The following CYFIP2 variants were observed in gnomAD, a reference collection of about 807,000 sequenced individuals.
The protein encoded by CYFIP2 is cytoplasmic FMR1-interacting protein 2.
Under a neutral mutation model 158.7 loss-of-function variants are expected in CYFIP2, and 29 were observed. That is an observed-to-expected ratio of 0.18 (90% CI 0.14 to 0.25). CYFIP2 has a LOEUF of 0.25. Ranked by LOEUF, CYFIP2 falls within the 10% of genes least tolerant of loss-of-function variation. CYFIP2 has a pLI of 1.00. For synonymous variants in CYFIP2, 585 were observed against 617.6 expected, an observed-to-expected ratio of 0.95 and a Z score of 0.78; for missense variants, 852 against 1,639.5, an observed-to-expected ratio of 0.52 and a Z score of 8.29.
chr5:157,322,856 C>A, intron 15 of CYFIP2: 1 of 1,206,738 alleles, frequency 8.3e-7, no homozygotes, highest in Non-Finnish European at 1.2e-6. Context: ...TTGCTTTTCT[C>A]TCTCTCTCTC....
Position 157,392,932 on chromosome 5 carries a change from A to G in CYFIP2, c.3694A>G (p.Ser1232Gly). 1.2e-6 allele frequency: 2 copies of G among 1,614,004 alleles called. No homozygotes were observed. Among genetic ancestry groups the G allele is most frequent in the Non-Finnish European group, 1.7e-6 (2 of 1,179,890 alleles). The change falls in exon 31 of 31, where the codon AGT becomes GGT. Residue 1232 changes from serine to glycine, a missense_variant. By Grantham distance (56) the Ser-to-Gly change is moderately conservative (BLOSUM62 0). Transcript: ENST00000620254. Reference sequence around the variant, plus strand: ...ATACATGAAGTCCGTGGAGACAGACAGTTCCACTGTGGAGCATGTGCGCTG... The same window carrying G: ...ATACATGAAGTCCGTGGAGACAGACGGTTCCACTGTGGAGCATGTGCGCTG... ...NKYMKSVETD[S>G]STVEHVRCFQ...
chr5:157,383,964 C>CT (rs1233067558), intron 28 of CYFIP2, among the ~76,000 whole-genome samples: 1 of 152,060 alleles, frequency 6.6e-6, no homozygotes, highest in East Asian at 1.9e-4. Flanking sequence ...AGGATGATGG[C>CT]TTTTTTTAAA....
chr5:157,367,602 C>T (rs1307562119), intron 26 of CYFIP2, among the ~76,000 whole-genome samples: 1 of 152,200 alleles, frequency 6.6e-6, no homozygotes, highest in Non-Finnish European at 1.5e-5. Context: ...TCCATCTCCA[C>T]ATCTGACCTT....
chr5:157,285,979 G>C (rs957152173), intron 2 of CYFIP2, among the ~76,000 whole-genome samples: 2 of 152,168 alleles, frequency 1.3e-5, no homozygotes, highest in African/African-American at 4.8e-5. Flanking sequence ...ATCAGGGCCG[G>C]GAGTCGGTAT....
Position 157,392,941 on chromosome 5 carries a change from G to A in CYFIP2, c.3703G>A (p.Val1235Met), listed in dbSNP as rs1767454128. The A allele has an allele frequency of 6.2e-7, 1 of 1,613,982 alleles. No homozygotes were observed. Among genetic ancestry groups the A allele is most frequent in the Non-Finnish European group, 8.5e-7 (1 of 1,179,888 alleles). ...GTCCGTGGAGACAGACAGTTCCACT[G>A]TGGAGCATGTGCGCTGCTTCCAGCC... ...MKSVETDSST[V>M]EHVRCFQPPI... is the part of the protein sequence containing the mutation. Residue 1235 changes from valine (V) to methionine (M), a missense_variant, in exon 31 of 31, where the codon GTG becomes ATG. Val to Met is a conservative substitution (Grantham distance 21). Around this residue, in one of 8 missense-constraint regions of CYFIP2, gnomAD observed 223 missense variants for 381.6 expected, o/e 0.58. Transcript: ENST00000620254.
rs550427990 is a variant in CYFIP2, at chr5:157,302,786, C to T, written c.570-8C>T. ...TCCTCTCTGCAGCACCCACTATCTG[C>T]GTTTCAGGGCAGCACAGTTCCTGCG... is the stretch of plus-strand genomic sequence containing the variant. On this transcript the variant is annotated splice_region_variant and splice_polypyrimidine_tract_variant and intron_variant, in intron 6 of 30. Transcript: ENST00000620254. The T allele has an allele frequency of 2.4e-5, 38 of 1,567,932 alleles. 1 individual carries two copies. The highest frequency in any genetic ancestry group is 7.0e-5 in the East Asian group (3 of 42,688).
intron 23 of CYFIP2, chr5:157,342,204 C>T (rs2113249636): frequency 6.5e-6 from 1 of 152,680 alleles, no homozygotes; most frequent in Admixed American, 6.5e-5. Context: ...CTTCTGTTTG[C>T]AGCAGGAGGG....
intron 1 of CYFIP2, among the ~76,000 whole-genome samples, chr5:157,271,802 C>T (rs1292714746): frequency 6.6e-6 from 1 of 152,208 alleles, no homozygotes; most frequent in Non-Finnish European, 1.5e-5. Flanking sequence ...GTTCCACGTG[C>T]TCCGATCTGG....
At chr5:157,358,956 T>A in intron 23 of CYFIP2, 49 bp from the exon 24 acceptor site, 1 of 1,610,788 alleles carries the variant, frequency 6.2e-7, no homozygotes, top group East Asian at 2.2e-5. Context: ...ACTCCACCAG[T>A]GTCCATTCAG....
Position 157,391,492 on chromosome 5 carries a change from A to G in CYFIP2, c.3594+824A>G, listed in dbSNP as rs572685997. ...TGGTAACCATCATTCTACTTTCTCT[A>G]TGCATTTGACTACTCTAGGTACCTC... On this transcript the variant is annotated intron_variant, in intron 30 of 30. Transcript: ENST00000620254. Among the ~76,000 whole-genome samples, 19 of 151,238 alleles carry G rather than the reference A, an allele frequency of 1.3e-4. 1 individual carries two copies. In the South Asian group the frequency reaches 3.5e-3, roughly 28 times the overall value.
At position 157,266,864 on chromosome 5, in the gene CYFIP2, C is replaced by T. The variant is rs1755648169; in HGVS notation, c.-24+669C>T. The T allele has an allele frequency of 6.5e-6, 1 of 152,800 alleles. No homozygotes were observed. The highest frequency in any genetic ancestry group is 1.5e-5 in the Non-Finnish European group (1 of 68,442). 9.5% of individuals were successfully genotyped at this position (152,800 alleles called of 1,614,324 possible). A position where few individuals can be genotyped will look rare whatever the true frequency, so the allele number is the denominator to read the frequency against. On this transcript the variant is annotated intron_variant, in intron 1 of 30. Coordinates refer to ENST00000620254, the MANE Select transcript of CYFIP2 (RefSeq NM_001037333.3). The surrounding 1 kb of genome is among the most constrained non-coding windows in gnomAD (Gnocchi z 4.2). ...GGGGAAGGGGATGAGTGGGCTGACT[C>T]CTGGGGGAAAAGGTGGTTTTTTTCT...
intron 21 of CYFIP2, among the ~76,000 whole-genome samples, chr5:157,338,421 T>C (rs1281950241): frequency 6.6e-6 from 1 of 152,242 alleles, no homozygotes; most frequent in Non-Finnish European, 1.5e-5. Context: ...AGTTAGAGCA[T>C]ATAGTGGTTA....
At chr5:157,319,708 G>C in intron 13 of CYFIP2, 54 bp from the exon 14 acceptor site, 1 of 1,596,984 alleles carries the variant, frequency 6.3e-7, no homozygotes, top group South Asian at 1.1e-5. Context: ...ATGGGTAGTA[G>C]ACAGCTGGTG....
chr5:157,351,439 G>T (rs77086472), intron 23 of CYFIP2, among the ~76,000 whole-genome samples: 1 of 152,278 alleles, frequency 6.6e-6, no homozygotes, highest in African/African-American at 2.4e-5. Flanking sequence ...ATATTGAAAA[G>T]TTCAAAGATG....
chr5:157,294,511 G>A (rs1235660701), intron 3 of CYFIP2, among the ~76,000 whole-genome samples: 2 of 152,126 alleles, frequency 1.3e-5, no homozygotes, highest in African/African-American at 4.8e-5. Context: ...TTCTAAGGTA[G>A]CCATCCATCT....
intron 1 of CYFIP2, among the ~76,000 whole-genome samples, chr5:157,275,976 C>G (rs1756513691): frequency 6.6e-6 from 1 of 152,176 alleles, no homozygotes; most frequent in East Asian, 1.9e-4. Context: ...AGAGATACTA[C>G]TGATTTTTAT....
chr5:157,373,487 C>G lies in CYFIP2; in HGVS notation c.3040-9103C>G, dbSNP rs147305352. Among the ~76,000 whole-genome samples, 974 of 152,240 alleles carry G rather than the reference C, an allele frequency of 6.4e-3. 13 individuals are homozygous for G. The highest frequency in any genetic ancestry group is 0.022 in the African/African-American group (916 of 41,536). The stretch of plus-strand genomic sequence containing the variant: ...ATGTTATCTGATCTTTAGAAGGCCC[C>G]ACTAAAATGGGGTTGCCGAGATGTG... On this transcript the variant is annotated intron_variant, in intron 26 of 30. Transcript: ENST00000620254.
At position 157,393,051 on chromosome 5, in the gene CYFIP2, A is replaced by G. The variant is rs1767463378; in HGVS notation, c.*51A>G. 9 of 1,592,690 alleles carry G rather than the reference A, an allele frequency of 5.7e-6. No homozygotes were observed. The highest frequency in any genetic ancestry group is 7.7e-6 in the Non-Finnish European group (9 of 1,169,192). Reference sequence around the variant, plus strand: ...TGGAGGAGGAAGAGAAGCAGGAGAGAGAAAGCCACAGCCAGCCTGCCATAG... The same window carrying G: ...TGGAGGAGGAAGAGAAGCAGGAGAGGGAAAGCCACAGCCAGCCTGCCATAG... On this transcript the variant is annotated 3_prime_UTR_variant, in exon 31 of 31. Coordinates refer to ENST00000620254, the MANE Select transcript of CYFIP2 (RefSeq NM_001037333.3).
chr5:157,311,338 A>G lies in CYFIP2; in HGVS notation c.993-326A>G. Reference sequence around the variant, plus strand: ...CCCACCTTGCTTTTTCTGTGCTCAGATTCCATCCCTTTGTAGTCCTAGAGA... The same window carrying G: ...CCCACCTTGCTTTTTCTGTGCTCAGGTTCCATCCCTTTGTAGTCCTAGAGA... On this transcript the variant is annotated intron_variant, in intron 10 of 30. Transcript: ENST00000620254. The surrounding 1 kb of genome is among the most constrained non-coding windows in gnomAD (Gnocchi z 4.7). 1 of 401,664 alleles carries G rather than the reference A, an allele frequency of 2.5e-6. No individual in the cohort carries two copies. Among genetic ancestry groups the G allele is most frequent in the South Asian group, 2.1e-5 (1 of 47,698 alleles). The allele number at this position is 401,664 out of a possible 1,614,324, so 24.9% of individuals were successfully genotyped here.
Sources: gnomAD v4.1 joint callset for allele counts (sites outside exome capture counted in the v4.1 genomes callset) on GRCh38, gnomAD v4.1.1 for gene constraint, gnomAD v4.1.1 regional missense constraint, Gnocchi (gnomAD v3.1) non-coding constraint, MANE v1.5 for transcripts, NCBI Gene and HGNC (gene_info 2026-07-23, HGNC 2026-07-21) for gene names.